Variants in KLRG1 observed in about 807,000 individuals in gnomAD.
KLRG1 encodes the protein killer cell lectin like receptor G1.
KLRG1 carries 16 observed loss-of-function variants against 21.8 expected under a neutral mutation model. The ratio of observed to expected loss-of-function variants is 0.73; its 90% CI spans 0.50 to 1.11. KLRG1 has a LOEUF of 1.11. Ranked by LOEUF, KLRG1 falls within the 50% of genes most tolerant of loss-of-function variation. The probability of loss-of-function intolerance (pLI) is 0.00; values close to 1 mark genes in which losing one functional copy is unlikely to be tolerated. For missense variants in KLRG1, 173 were observed against 218.3 expected, an observed-to-expected ratio of 0.79 and a Z score of 1.31; for synonymous variants, 69 against 75.9, an observed-to-expected ratio of 0.91 and a Z score of 0.47.
chr12:8,995,303 T>A lies in KLRG1; in HGVS notation c.357+15T>A. The A allele has an allele frequency of 1.3e-6, 2 of 1,594,228 alleles. No homozygotes were observed. The highest frequency in any genetic ancestry group is 1.7e-6 in the Non-Finnish European group (2 of 1,173,792). ...ATCAGGAAATGGTAAATGCAAACAT[T>A]TAGAAAATGTAGGGTTTTTGTTTTG... On this transcript the variant is annotated intron_variant, in intron 3 of 4. Transcript: ENST00000356986.
the KLRG1 span, chr12:9,027,498 C>G: frequency 9.1e-5 from 97 of 1,060,548 alleles, 1 homozygote; most frequent in South Asian, 1.1e-3. Context: ...TTCTCTGGCT[C>G]TCTTCTCCTG....
the KLRG1 span, among the ~76,000 whole-genome samples, chr12:9,176,163 T>C: frequency 6.6e-6 from 1 of 152,210 alleles, no homozygotes; most frequent in South Asian, 2.1e-4. Flanking sequence ...TGCAGAGACA[T>C]GGATAGAGCT....
chr12:9,074,836 C>G, the KLRG1 span: 1 of 1,532,214 alleles, frequency 6.5e-7, no homozygotes, highest in East Asian at 2.4e-5. Flanking sequence ...ATATTTAATT[C>G]AAGGTGAAAG....
the KLRG1 span, among the ~76,000 whole-genome samples, chr12:9,017,162 G>A: frequency 6.8e-6 from 1 of 148,100 alleles, no homozygotes; most frequent in Admixed American, 7.0e-5. Context: ...TACTCGGGAA[G>A]CTGAGACAGG....
rs1947613725 is a variant in KLRG1, at chr12:9,010,572, A to G, written c.*1035A>G. 6.6e-6 allele frequency: 1 copy of G among 152,428 alleles called. No individual in the cohort carries two copies. Among genetic ancestry groups the G allele is most frequent in the Admixed American group, 6.5e-5 (1 of 15,284 alleles). The allele number at this position is 152,428 out of a possible 1,614,324, so 9.4% of individuals were successfully genotyped here. On this transcript the variant is annotated 3_prime_UTR_variant, in exon 5 of 5. Transcript: ENST00000356986. The stretch of plus-strand genomic sequence containing the variant: ...ATACATAAGGAGAGAAGGTACAGTG[A>G]TGAAGGAGACCATAATTCTGTAGTG...
chr12:9,012,159 G>A (rs1407959096), downstream of KLRG1, among the ~76,000 whole-genome samples: 1 of 152,196 alleles, frequency 6.6e-6, no homozygotes, highest in Non-Finnish European at 1.5e-5. Flanking sequence ...GGGAGTGCTT[G>A]TGTAACCCCT....
rs1160550349 is a variant in KLRG1 at position 9,010,135 on chromosome 12, A to G, written c.*598A>G. ...CAGGAGTTTGAGGCTGCAGTGAGCT[A>G]TGATTGTGCCACTGTACTCCAGCCT... On this transcript the variant is annotated 3_prime_UTR_variant, in exon 5 of 5. Coordinates refer to ENST00000356986, the MANE Select transcript of KLRG1 (RefSeq NM_005810.4). 7 of 777,652 alleles carry G rather than the reference A, an allele frequency of 9.0e-6. No homozygotes were observed. The highest frequency in any genetic ancestry group is 3.5e-5 in the African/African-American group (2 of 57,852). The allele number at this position is 777,652 out of a possible 1,614,324, so 48.2% of individuals were successfully genotyped here. A position where few individuals can be genotyped will look rare whatever the true frequency, so the allele number is the denominator to read the frequency against.
chr12:9,036,049 C>T, the KLRG1 span, among the ~76,000 whole-genome samples: 1 of 152,182 alleles, frequency 6.6e-6, no homozygotes, highest in Non-Finnish European at 1.5e-5. Context: ...GTACTGTGCT[C>T]ATACCTGGGT....
At chr12:9,213,346 G>A in the KLRG1 span, among the ~76,000 whole-genome samples, 6 of 152,274 alleles carry the variant, frequency 3.9e-5, no homozygotes, top group African/African-American at 1.4e-4. Context: ...ATATACAGGA[G>A]TGAATCTGTG....
At chr12:8,981,743 G>A (rs1401164206) in intron 1 of KLRG1, among the ~76,000 whole-genome samples, 1 of 151,832 alleles carries the variant, frequency 6.6e-6, no homozygotes, top group Non-Finnish European at 1.5e-5. Context: ...AATTTAATTT[G>A]GTCAAGGTGG....
At chr12:9,083,296 G>T in the KLRG1 span, among the ~76,000 whole-genome samples, 1 of 151,842 alleles carries the variant, frequency 6.6e-6, no homozygotes, top group Non-Finnish European at 1.5e-5. Context: ...TGTAAATGAC[G>T]AGTTAATGGG....
the KLRG1 span, among the ~76,000 whole-genome samples, chr12:9,051,409 A>G: frequency 6.6e-6 from 1 of 152,152 alleles, no homozygotes; most frequent in Non-Finnish European, 1.5e-5. Context: ...GACCAGCTGC[A>G]GAGAGGAACT....
At chr12:9,157,204 T>A in the KLRG1 span, 1 of 1,614,020 alleles carries the variant, frequency 6.2e-7, no homozygotes, top group South Asian at 1.1e-5. Context: ...ATCAAGTGAG[T>A]TCAGTATTTC....
At chr12:9,027,808 A>C in the KLRG1 span, 42 of 1,238,012 alleles carry the variant, frequency 3.4e-5, 2 homozygotes, top group South Asian at 4.9e-4. Context: ...GCTGCCACCA[A>C]AGCCACCATG....
At chr12:9,157,256 C>A in the KLRG1 span, 1 of 1,614,132 alleles carries the variant, frequency 6.2e-7, no homozygotes, top group South Asian at 1.1e-5. Flanking sequence ...AAAGCATAGG[C>A]CAGCAATGCC....
the KLRG1 span, chr12:9,101,051 TG>T: frequency 8.3e-7 from 1 of 1,207,360 alleles, no homozygotes; most frequent in Non-Finnish European, 1.2e-6. Context: ...CAAAAACCTA[TG>T]GAAAAAAAGG....
chr12:9,135,043 C>T, the KLRG1 span: 3 of 167,898 alleles, frequency 1.8e-5, no homozygotes, highest in South Asian at 4.8e-4. Context: ...CCGGCGTTCC[C>T]GGGCCGCCCC....
intron 2 of KLRG1, among the ~76,000 whole-genome samples, chr12:8,994,425 C>T (rs991332503): frequency 5.9e-5 from 9 of 152,094 alleles, no homozygotes; most frequent in East Asian, 5.8e-4. Flanking sequence ...GTGGATCTTC[C>T]GTATTTAAAA....
the KLRG1 span, chr12:9,106,648 A>T: frequency 9.8e-7 from 1 of 1,024,808 alleles, no homozygotes; most frequent in South Asian, 1.4e-5. Flanking sequence ...AATGCATATT[A>T]TACTAAATAG....
Sources: allele counts gnomAD v4.1 joint callset (sites outside exome capture counted in the v4.1 genomes callset), GRCh38; gene constraint gnomAD v4.1.1; transcripts MANE v1.5; gene names NCBI Gene and HGNC (gene_info 2026-07-23, HGNC 2026-07-21).